Variants in ITPR1 observed in about 807,000 individuals in gnomAD.
ITPR1 encodes inositol 1,4,5-trisphosphate receptor type 1, also known as inositol 1,4,5-trisphosphate-gated calcium channel ITPR1.
ITPR1 carries 96 observed loss-of-function variants against 318.4 expected under a neutral mutation model. The ratio of observed to expected loss-of-function variants is 0.30; its 90% confidence interval spans 0.26 to 0.36. The LOEUF is 0.36. Ranked by LOEUF, ITPR1 falls within the 10% of genes least tolerant of loss-of-function variation. ITPR1 has a pLI of 1.00. For synonymous variants in ITPR1, 1,312 were observed against 1,289.9 expected (o/e 1.02, Z -0.37); for missense variants, 2,440 against 3,460.2 (o/e 0.71, Z 7.40).
intron 4 of ITPR1, among the ~76,000 whole-genome samples, chr3:4,592,172 T>C (rs1266171891): frequency 6.6e-6 from 1 of 152,204 alleles, no homozygotes; most frequent in Non-Finnish European, 1.5e-5. Context: ...GTATCACTAA[T>C]GCCTACCTGC....
chr3:4,791,740 A>C (rs1166802902), intron 52 of ITPR1, among the ~76,000 whole-genome samples: 2 of 152,338 alleles, frequency 1.3e-5, no homozygotes, highest in Middle Eastern at 3.4e-3. Context: ...GTTTGTGACT[A>C]GAGCTGTAAT....
chr3:4,695,462 G>T lies in ITPR1; in HGVS notation c.4282-1685G>T, dbSNP rs1328227588. On this transcript the variant is annotated intron_variant, in intron 33 of 61. Coordinates refer to ENST00000649015, the MANE Select transcript of ITPR1 (RefSeq NM_001378452.1). ...AAACTCAGTTGTATACTGCAAGAAC[G>T]ATAGAACGATTATAAAGAGAACAGC... Among the ~76,000 whole-genome samples, 3 of 152,110 alleles carry T rather than the reference G, an allele frequency of 2.0e-5. No individual in the cohort carries two copies. The South Asian group carries it at 6.2e-4, about 32-fold the overall frequency.
intron 44 of ITPR1, among the ~76,000 whole-genome samples, chr3:4,752,670 T>C (rs935818162): frequency 6.6e-6 from 1 of 152,204 alleles, no homozygotes; most frequent in Non-Finnish European, 1.5e-5. Context: ...ATATAGTAAA[T>C]TTTTTAAAAA....
intron 4 of ITPR1, among the ~76,000 whole-genome samples, chr3:4,552,443 AC>A (rs2085662554): frequency 1.3e-5 from 2 of 152,166 alleles, no homozygotes; most frequent in Non-Finnish European, 2.9e-5. Flanking sequence ...AAGCATGTTT[AC>A]CCATTTATTA....
chr3:4,522,323 T>C (rs1255120140), intron 4 of ITPR1, among the ~76,000 whole-genome samples: 1 of 152,228 alleles, frequency 6.6e-6, no homozygotes, highest in African/African-American at 2.4e-5. Context: ...TTGCAGATTA[T>C]ATAACTCAAG....
intron 36 of ITPR1, among the ~76,000 whole-genome samples, chr3:4,704,839 C>G (rs971268715): frequency 2.6e-5 from 4 of 152,032 alleles, no homozygotes; most frequent in African/African-American, 7.3e-5. Flanking sequence ...ATACCACACC[C>G]AGAACCCACT....
chr3:4,722,305 T>C (rs1274112468), intron 40 of ITPR1, among the ~76,000 whole-genome samples: 1 of 152,146 alleles, frequency 6.6e-6, no homozygotes, highest in South Asian at 2.1e-4. Flanking sequence ...TCACTATGAA[T>C]CGCCTGCTGA....
intron 2 of ITPR1, among the ~76,000 whole-genome samples, chr3:4,508,082 C>T (rs2081520221): frequency 6.6e-6 from 1 of 152,106 alleles, no homozygotes; most frequent in African/African-American, 2.4e-5. Context: ...CGAGGGGTTG[C>T]AGGCAGGCAG....
chr3:4,812,608 T>G (rs924977952), intron 56 of ITPR1, among the ~76,000 whole-genome samples: 52 of 152,328 alleles, frequency 3.4e-4, no homozygotes, highest in African/African-American at 1.2e-3. Flanking sequence ...CTACTGGTTT[T>G]TCATCCCGAG....
At chr3:4,688,648 T>C in intron 31 of ITPR1, 28 bp downstream of exon 31, 1 of 1,604,032 alleles carries the variant, frequency 6.2e-7, no homozygotes, top group East Asian at 2.2e-5. Flanking sequence ...TCTGCAAATC[T>C]ATAGAGGGAG....
intron 24 of ITPR1, among the ~76,000 whole-genome samples, chr3:4,678,553 A>G (rs2094231498): frequency 6.6e-6 from 1 of 152,228 alleles, no homozygotes; most frequent in Admixed American, 6.5e-5. Flanking sequence ...CAGGGGCTCC[A>G]TCCACAGGGG....
At chr3:4,550,085 A>G (rs1328062772) in intron 4 of ITPR1, among the ~76,000 whole-genome samples, 4 of 151,366 alleles carry the variant, frequency 2.6e-5, no homozygotes, top group Non-Finnish European at 5.9e-5. Flanking sequence ...CTCTTTCTCT[A>G]TAGTTTTAAC....
intron 44 of ITPR1, among the ~76,000 whole-genome samples, chr3:4,754,054 G>GA (rs796583870): frequency 1.5e-5 from 2 of 129,546 alleles, no homozygotes; most frequent in African/African-American, 2.6e-5. Context: ...AAAATGGGGG[G>GA]GGGGTGGCAA....
rs564593911 is a variant in ITPR1 at position 4,684,738 on chromosome 3, G to A, written c.3565-331G>A. On this transcript the variant is annotated intron_variant, in intron 29 of 61. Coordinates refer to ENST00000649015, the MANE Select transcript of ITPR1 (RefSeq NM_001378452.1). ...CTTTGCGTACGCTGGTTCAAAGTTG[G>A]GAGGCTGGGAGCTTTGTGTGTTTTA... Among the ~76,000 whole-genome samples, 9 of 152,304 alleles carry A rather than the reference G, an allele frequency of 5.9e-5. No individual in the cohort carries two copies. In the South Asian group the frequency reaches 6.2e-4, roughly 11 times the overall value.
intron 43 of ITPR1, among the ~76,000 whole-genome samples, chr3:4,733,736 T>C (rs996981079): frequency 9.9e-4 from 150 of 152,206 alleles, no homozygotes; most frequent in Middle Eastern, 3.4e-3. Context: ...TAGTGGCTGG[T>C]CTGTAATTTC....
At chr3:4,657,545 G>A (rs533104191) in intron 12 of ITPR1, among the ~76,000 whole-genome samples, 1 of 150,624 alleles carries the variant, frequency 6.6e-6, no homozygotes, top group East Asian at 2.0e-4. Flanking sequence ...TCAGCTCACT[G>A]CAACTTCTGC....
At position 4,775,341 on chromosome 3, in the gene ITPR1, G is replaced by A; in HGVS notation, c.6079G>A (p.Gly2027Ser). ...TTGTGGAAGCACAACTGGAGGCCTTGGTCTTCTGGGCTTGTATATAAATGA... is the reference window on the plus strand; with the variant it reads ...TTGTGGAAGCACAACTGGAGGCCTTAGTCTTCTGGGCTTGTATATAAATGA... ...CICGSTTGGL[G>S]LLGLYINEKN... Residue 2027 changes from glycine (G) to serine (S), a missense_variant, in exon 47 of 62, where the codon GGT (glycine) becomes AGT (serine). This residue lies in a region of ITPR1 where 76 missense variants were observed against 162.1 expected (regional missense o/e 0.47). Transcript: ENST00000649015. The A allele has an allele frequency of 6.2e-7, 1 of 1,613,454 alleles. No individual in the cohort carries two copies. The highest frequency in any genetic ancestry group is 8.5e-7 in the Non-Finnish European group (1 of 1,179,390).
chr3:4,692,841 C>T (rs2094500511), intron 32 of ITPR1, among the ~76,000 whole-genome samples: 1 of 152,138 alleles, frequency 6.6e-6, no homozygotes, highest in African/African-American at 2.4e-5. Flanking sequence ...AAGATGGAGG[C>T]AGGGCACATT....
intron 44 of ITPR1, among the ~76,000 whole-genome samples, chr3:4,737,892 G>A (rs895879181): frequency 4.6e-5 from 7 of 152,148 alleles, no homozygotes; most frequent in Non-Finnish European, 7.4e-5. Flanking sequence ...TTAAAACTCC[G>A]TGATCGTATC....
Sources: gnomAD v4.1 joint callset for allele counts (sites outside exome capture counted in the v4.1 genomes callset) on GRCh38, gnomAD v4.1.1 for gene constraint, gnomAD v4.1.1 regional missense constraint, MANE v1.5 for transcripts, NCBI Gene and HGNC (gene_info 2026-07-23, HGNC 2026-07-21) for gene names.